SULT1C3: variants seen among roughly 807,000 people sequenced by gnomAD.
SULT1C3 encodes sulfotransferase family 1C member 3.
Under a neutral mutation model 28.4 loss-of-function variants are expected in SULT1C3, and 31 were observed. That is an observed-to-expected ratio of 1.09 (90% CI 0.82 to 1.47). SULT1C3 has a LOEUF of 1.47. SULT1C3 is among the 40% of genes most tolerant of loss of function. The pLI is 0.00. For synonymous variants in SULT1C3, 106 were observed against 92.2 expected (o/e 1.15, Z -0.86); for missense variants, 307 against 272.5 (o/e 1.13, Z -0.89).
chr2:108,265,093 A>G, downstream of SULT1C3: 10 of 1,485,974 alleles, frequency 6.7e-6, no homozygotes, highest in Non-Finnish European at 9.1e-6. Flanking sequence ...TTCATTCTCC[A>G]TTATTTATTC....
At chr2:108,254,730 T>TATATGTATGTATGCATAC (rs777810634) in intron 4 of SULT1C3, among the ~76,000 whole-genome samples, 4 of 151,316 alleles carry the variant, frequency 2.6e-5, no homozygotes, top group Admixed American at 1.3e-4. Flanking sequence ...TATATATGTA[T>TATATGTATGTATGCATAC]ATATGTATGT....
In SULT1C3 at chr2:108,255,626, C is replaced by T; in HGVS notation, c.454C>T (p.His152Tyr). 1 of 1,611,966 alleles carries T rather than the reference C, an allele frequency of 6.2e-7. No homozygotes were observed. Among genetic ancestry groups the T allele is most frequent in the Non-Finnish European group, 8.5e-7 (1 of 1,178,576 alleles). ...KDCLVSYYHF[H>Y]RMASFMPDPQ... ...TTGCCTGGTGTCCTACTACCACTTT[C>T]ACAGGATGGCTTCCTTTATGCCTGA... Residue 152 changes from histidine (H) to tyrosine (Y), a missense_variant, in exon 5 of 8, where the codon CAC (histidine) becomes TAC (tyrosine). Transcript: ENST00000681802.
chr2:108,241,926 C>CAAAAA (rs201006604), intron 1 of SULT1C3, among the ~76,000 whole-genome samples: 1 of 101,112 alleles, frequency 9.9e-6, no homozygotes, highest in African/African-American at 3.3e-5. Context: ...GACTCCATCT[C>CAAAAA]AAAAAAAAAA....
rs1558663622 is a variant in SULT1C3, at chr2:108,252,108, TAGA to T, written c.173-256_173-254del. On this transcript the variant is annotated intron_variant, in intron 2 of 7. Transcript: ENST00000681802. ...ATACATACATACATACTTAGATACA[TAGA>T]TAGATACATAGATACATAAAGAAAC... is the stretch of plus-strand genomic sequence containing the variant. Among the ~76,000 whole-genome samples the T allele has an allele frequency of 1.7e-3, 258 of 151,896 alleles. 2 individuals are homozygous for T. The highest frequency in any genetic ancestry group is 6.1e-3 in the African/African-American group (254 of 41,462).
chr2:108,255,626 C>G lies in SULT1C3; in HGVS notation c.454C>G (p.His152Asp), dbSNP rs1399003162. Residue 152 changes from histidine to aspartate, a missense_variant, in exon 5 of 8, where the codon CAC becomes GAC. Coordinates refer to ENST00000681802, the MANE Select transcript of SULT1C3 (RefSeq NM_001320878.2). ...TTGCCTGGTGTCCTACTACCACTTT[C>G]ACAGGATGGCTTCCTTTATGCCTGA... Reference protein sequence around the residue: ...KDCLVSYYHFHRMASFMPDPQ... With the variant: ...KDCLVSYYHFDRMASFMPDPQ... 1 of 1,611,966 alleles carries G rather than the reference C, an allele frequency of 6.2e-7. No individual in the cohort carries two copies. The highest frequency in any genetic ancestry group is 8.5e-7 in the Non-Finnish European group (1 of 1,178,576).
At chr2:108,248,297 C>G (rs1433521376) in intron 2 of SULT1C3, among the ~76,000 whole-genome samples, 4 of 152,012 alleles carry the variant, frequency 2.6e-5, no homozygotes, top group Non-Finnish European at 4.4e-5. Flanking sequence ...GCCGAAGGGA[C>G]AAGATTGGAT....
At chr2:108,247,398 A>G in intron 2 of SULT1C3, 32 bp downstream of exon 2, 2 of 1,471,760 alleles carry the variant, frequency 1.4e-6, no homozygotes, top group Non-Finnish European at 1.8e-6. Context: ...AATATTCAAT[A>G]TTTTCACGTG....
intron 2 of SULT1C3, among the ~76,000 whole-genome samples, chr2:108,250,052 C>A (rs537163517): frequency 1.6e-4 from 24 of 151,966 alleles, no homozygotes; most frequent in Middle Eastern, 3.4e-3. Flanking sequence ...AAAGCACTAC[C>A]CTTTATGGTT....
At chr2:108,254,730 TATATGTATGTATGCATAC>T (rs777810634) in intron 4 of SULT1C3, among the ~76,000 whole-genome samples, 281 of 151,406 alleles carry the variant, frequency 1.9e-3, no homozygotes, top group Non-Finnish European at 2.5e-3. Context: ...TATATATGTA[TATATGTATGTATGCATAC>T]ATATGTATGT....
intron 3 of SULT1C3, among the ~76,000 whole-genome samples, chr2:108,252,987 C>T (rs1675770386): frequency 2.0e-5 from 3 of 151,354 alleles, no homozygotes; most frequent in Admixed American, 2.0e-4. Flanking sequence ...TCTTTCTTTC[C>T]AAGAATGACA....
chr2:108,261,501 T>C (rs964495378), downstream of SULT1C3, among the ~76,000 whole-genome samples: 2 of 152,116 alleles, frequency 1.3e-5, no homozygotes, highest in Non-Finnish European at 2.9e-5. Flanking sequence ...GCTTCAACCA[T>C]GCACCAGTGA....
Position 108,247,172 on chromosome 2 carries a change from A to T in SULT1C3, c.-7-16A>T. 3 of 1,493,968 alleles carry T rather than the reference A, an allele frequency of 2.0e-6. No homozygotes were observed. The highest frequency in any genetic ancestry group is 2.7e-6 in the Non-Finnish European group (3 of 1,119,566). 92.5% of individuals were successfully genotyped at this position (1,493,968 alleles called of 1,614,324 possible). ...TTTTTAAAAATTTTAATTAGTATTG[A>T]TCTTACCCATCCCAGATTCCCAATG... On this transcript the variant is annotated splice_polypyrimidine_tract_variant and intron_variant, in intron 1 of 7. Coordinates refer to ENST00000681802, the MANE Select transcript of SULT1C3 (RefSeq NM_001320878.2).
rs766576799 is a variant in SULT1C3 at position 108,252,424 on chromosome 2, T to G, written c.232T>G (p.Cys78Gly). The stretch of plus-strand genomic sequence containing the variant: ...TCTAAATGATGGTGATGTGGAGAAA[T>G]GCAAAAGAGCCCAGACTCTAGATAG... ...MILNDGDVEK[C>G]KRAQTLDRHA... The change falls in exon 3 of 8, where the codon TGC becomes GGC. Residue 78 changes from cysteine to glycine, a missense_variant. Transcript: ENST00000681802. 2.5e-6 allele frequency: 4 copies of G among 1,612,310 alleles called. No homozygotes were observed. The East Asian group carries it at 8.9e-5, about 36-fold the overall frequency.
At chr2:108,245,011 C>A (rs186729735) in intron 1 of SULT1C3, among the ~76,000 whole-genome samples, 1 of 152,158 alleles carries the variant, frequency 6.6e-6, no homozygotes, top group Non-Finnish European at 1.5e-5. Context: ...TGATCTGTTA[C>A]CCATCTAAAA....
Position 108,258,962 on chromosome 2 carries a change from T to C in SULT1C3, c.622-4T>C. On this transcript the variant is annotated splice_polypyrimidine_tract_variant and splice_region_variant and intron_variant, in intron 6 of 7. Transcript: ENST00000681802. ...TTCACAATGCCTTTTTCTCCCATGATCAGAATCCAAAACATGAGATCCACA... is the reference window on the plus strand; with the variant it reads ...TTCACAATGCCTTTTTCTCCCATGACCAGAATCCAAAACATGAGATCCACA... 1 of 714,970 alleles carries C rather than the reference T, an allele frequency of 1.4e-6. No individual in the cohort carries two copies. The highest frequency in any genetic ancestry group is 2.4e-6 in the Non-Finnish European group (1 of 412,396). The allele number at this position is 714,970 out of a possible 1,614,324, so 44.3% of individuals were successfully genotyped here.
intron 2 of SULT1C3, among the ~76,000 whole-genome samples, chr2:108,250,183 C>T (rs1365715943): frequency 1.3e-5 from 2 of 151,296 alleles, no homozygotes; most frequent in Non-Finnish European, 2.9e-5. Context: ...ATTCACAATA[C>T]ATATATCTGG....
At chr2:108,252,672 T>G (rs543755277) in intron 3 of SULT1C3, among the ~76,000 whole-genome samples, 179 bp downstream of exon 3, 1 of 152,162 alleles carries the variant, frequency 6.6e-6, no homozygotes, top group Non-Finnish European at 1.5e-5. Context: ...CTCCTGTTCT[T>G]AGCTGGTGGC....
At chr2:108,252,996 C>A (rs551369825) in intron 3 of SULT1C3, among the ~76,000 whole-genome samples, 3 of 151,380 alleles carry the variant, frequency 2.0e-5, no homozygotes, top group Non-Finnish European at 4.4e-5. Context: ...CCAAGAATGA[C>A]AACCTATTGT....
intron 1 of SULT1C3, among the ~76,000 whole-genome samples, chr2:108,243,570 G>T (rs1265846940): frequency 6.6e-6 from 1 of 151,430 alleles, no homozygotes; most frequent in Non-Finnish European, 1.5e-5. Flanking sequence ...GGTGGAGCTT[G>T]CAGTGAGCTG....
Sources: gnomAD v4.1 joint callset for allele counts (sites outside exome capture counted in the v4.1 genomes callset) on GRCh38, gnomAD v4.1.1 for gene constraint, MANE v1.5 for transcripts, NCBI Gene and HGNC (gene_info 2026-07-23, HGNC 2026-07-21) for gene names.